Variants in MACROD2 observed in about 807,000 individuals in gnomAD.
MACROD2 encodes ADP-ribose glycohydrolase MACROD2.
A neutral mutation model predicts 70.4 loss-of-function variants in MACROD2; 36 were observed. The ratio of observed to expected loss-of-function variants is 0.51; its 90% CI spans 0.39 to 0.68. MACROD2 has a LOEUF of 0.68. Among genes scored for constraint, MACROD2 ranks in the 30% least tolerant of loss-of-function variants. The pLI is 0.00. For missense variants in MACROD2, 496 were observed against 538.4 expected (o/e 0.92, Z 0.78); for synonymous variants, 172 against 178.8 (o/e 0.96, Z 0.30).
intron 5 of MACROD2, among the ~76,000 whole-genome samples, chr20:15,205,771 G>A (rs2076696202): frequency 6.6e-6 from 1 of 152,198 alleles, no homozygotes; most frequent in Non-Finnish European, 1.5e-5. Context: ...CAATATATTT[G>A]ATTTTACAGA....
At chr20:15,949,837 T>C (rs1456964093) in intron 12 of MACROD2, among the ~76,000 whole-genome samples, 2 of 152,190 alleles carry the variant, frequency 1.3e-5, no homozygotes, top group African/African-American at 4.8e-5. Flanking sequence ...AGAATAATTA[T>C]ACCAGAATTG....
chr20:16,041,901 T>C (rs2067313025), intron 16 of MACROD2, among the ~76,000 whole-genome samples: 1 of 152,046 alleles, frequency 6.6e-6, no homozygotes, highest in Admixed American at 6.6e-5. Context: ...TGAAATACCA[T>C]TACTTACATT....
intron 2 of MACROD2, among the ~76,000 whole-genome samples, chr20:14,061,256 T>G (rs1267960359): frequency 4.2e-4 from 64 of 152,152 alleles, no homozygotes; most frequent in Admixed American, 4.1e-3. Context: ...AAAATTCTGT[T>G]TAAATTTGAT....
At position 14,919,481 on chromosome 20, in the gene MACROD2, C is replaced by G. The variant is rs139459800; in HGVS notation, c.418+234522C>G. ...CATTTAACTACCAAAAACAATCTAT[C>G]TGCTACTTTGAAAAGCAGTTAAACA... On this transcript the variant is annotated intron_variant, in intron 5 of 17. Coordinates refer to ENST00000684519, the MANE Select transcript of MACROD2 (RefSeq NM_001351661.2). Among the ~76,000 whole-genome samples the G allele has an allele frequency of 2.4e-3, 358 of 152,340 alleles. 2 individuals carry two copies. The highest frequency in any genetic ancestry group is 8.3e-3 in the African/African-American group (344 of 41,576).
At chr20:14,150,569 G>T (rs113699852) in intron 3 of MACROD2, among the ~76,000 whole-genome samples, 37 of 152,220 alleles carry the variant, frequency 2.4e-4, no homozygotes, top group African/African-American at 8.7e-4. Context: ...AAAAATATTA[G>T]GAAGAAGGGA....
chr20:15,520,241 G>T (rs1201153124), intron 8 of MACROD2, among the ~76,000 whole-genome samples: 1 of 152,154 alleles, frequency 6.6e-6, no homozygotes, highest in Non-Finnish European at 1.5e-5. Flanking sequence ...AATCCACACT[G>T]GGAAAGGACT....
At chr20:15,765,517 C>A (rs1347377187) in intron 8 of MACROD2, among the ~76,000 whole-genome samples, 1 of 152,116 alleles carries the variant, frequency 6.6e-6, no homozygotes, top group African/African-American at 2.4e-5. Context: ...GAAAATGGCA[C>A]AAGCAAACTG....
At chr20:14,456,849 T>A (rs571260745) in intron 3 of MACROD2, among the ~76,000 whole-genome samples, 1 of 151,074 alleles carries the variant, frequency 6.6e-6, no homozygotes, top group East Asian at 2.0e-4. Context: ...CCCGAGTAGC[T>A]GGGACTACAG....
intron 12 of MACROD2, 61 bp from the exon 13 acceptor site, chr20:15,967,492 G>T: frequency 7.4e-7 from 1 of 1,345,496 alleles, no homozygotes; most frequent in Non-Finnish European, 1.1e-6. Flanking sequence ...TGTTAGTGCT[G>T]AAAGCTGCTC....
At chr20:15,019,034 C>T (rs1388194888) in intron 5 of MACROD2, among the ~76,000 whole-genome samples, 1 of 152,180 alleles carries the variant, frequency 6.6e-6, no homozygotes, top group Non-Finnish European at 1.5e-5. Flanking sequence ...ATTACCCAGT[C>T]TCAAGTATTC....
chr20:15,901,012 C>T (rs2065055426), intron 10 of MACROD2, among the ~76,000 whole-genome samples: 1 of 152,240 alleles, frequency 6.6e-6, no homozygotes, highest in Non-Finnish European at 1.5e-5. Context: ...CTCCCTCCCA[C>T]CAAAGACTCC....
chr20:15,765,175 C>G (rs1246958904), intron 8 of MACROD2, among the ~76,000 whole-genome samples: 1 of 152,156 alleles, frequency 6.6e-6, no homozygotes, highest in Non-Finnish European at 1.5e-5. Context: ...GCAGTGCAAC[C>G]TGCTATCCAT....
intron 8 of MACROD2, among the ~76,000 whole-genome samples, chr20:15,537,031 A>C (rs2047885023): frequency 6.6e-6 from 1 of 152,130 alleles, no homozygotes. Context: ...TGGTTTGGCC[A>C]TGTCCCCACC....
intron 5 of MACROD2, among the ~76,000 whole-genome samples, chr20:15,143,717 T>A (rs1211153841): frequency 6.6e-6 from 1 of 151,928 alleles, no homozygotes; most frequent in Non-Finnish European, 1.5e-5. Flanking sequence ...TCCCCCAAAA[T>A]ATATGATTTC....
At chr20:14,619,174 A>G (rs1983655206) in intron 4 of MACROD2, among the ~76,000 whole-genome samples, 1 of 151,826 alleles carries the variant, frequency 6.6e-6, no homozygotes, top group Non-Finnish European at 1.5e-5. Flanking sequence ...AGTCAGTGCC[A>G]TGCAAGTATT....
intron 5 of MACROD2, among the ~76,000 whole-genome samples, chr20:14,955,207 C>T (rs1350741336): frequency 6.7e-5 from 8 of 120,292 alleles, no homozygotes; most frequent in East Asian, 2.6e-4. Context: ...ATATCATTTA[C>T]ATAATATAAT....
At chr20:14,185,213 C>T (rs1331110280) in intron 3 of MACROD2, among the ~76,000 whole-genome samples, 4 of 152,024 alleles carry the variant, frequency 2.6e-5, no homozygotes, top group Admixed American at 2.6e-4. Flanking sequence ...ACTTTAGTAT[C>T]TAGAAATCAG....
At chr20:15,816,830 C>T (rs1196726714) in intron 8 of MACROD2, among the ~76,000 whole-genome samples, 2 of 152,144 alleles carry the variant, frequency 1.3e-5, no homozygotes, top group Non-Finnish European at 2.9e-5. Context: ...AGGACTTTAA[C>T]CTGTAAAAGA....
At chr20:14,747,137 A>G (rs575896892) in intron 5 of MACROD2, among the ~76,000 whole-genome samples, 3 of 152,276 alleles carry the variant, frequency 2.0e-5, no homozygotes, top group Non-Finnish European at 4.4e-5. Context: ...GCTTTGCCAG[A>G]TCCAAGCTGG....
Sources: allele counts gnomAD v4.1 joint callset (sites outside exome capture counted in the v4.1 genomes callset), GRCh38; gene constraint gnomAD v4.1.1; transcripts MANE v1.5; gene names NCBI Gene and HGNC (gene_info 2026-07-23, HGNC 2026-07-21).